NEK7: variants seen among roughly 807,000 people sequenced by gnomAD.
NEK7 encodes the protein serine/threonine-protein kinase Nek7.
NEK7 carries 18 observed loss-of-function variants against 44.6 expected under a neutral mutation model. That is an observed-to-expected ratio of 0.40 (90% CI 0.28 to 0.60). NEK7 has a LOEUF of 0.60. NEK7 is among the 20% of genes least tolerant of loss of function. The probability of loss-of-function intolerance (pLI) is 0.38; values close to 1 mark genes in which losing one functional copy is unlikely to be tolerated. For synonymous variants in NEK7, 130 were observed against 121.1 expected (o/e 1.07, Z -0.48); for missense variants, 256 against 366.5 (o/e 0.70, Z 2.46).
intron 7 of NEK7, among the ~76,000 whole-genome samples, chr1:198,280,778 A>G (rs1654170792): frequency 6.7e-6 from 1 of 148,646 alleles, no homozygotes; most frequent in East Asian, 1.9e-4. Context: ...TATATATATA[A>G]TGTGTGTATA....
chr1:198,306,688 G>T (rs755600385), intron 9 of NEK7, among the ~76,000 whole-genome samples: 10 of 152,210 alleles, frequency 6.6e-5, no homozygotes, highest in Non-Finnish European at 1.5e-4. Flanking sequence ...ACTATTCATG[G>T]ATCCATATGA....
At chr1:198,204,705 G>A (rs1483765097) in intron 1 of NEK7, among the ~76,000 whole-genome samples, 3 of 132,062 alleles carry the variant, frequency 2.3e-5, no homozygotes, top group Admixed American at 8.5e-5. Context: ...GGGCGACAGC[G>A]AGACTCCGTC....
chr1:198,272,131 CAGTAT>C (rs2102968802), intron 5 of NEK7, among the ~76,000 whole-genome samples: 1 of 151,486 alleles, frequency 6.6e-6, no homozygotes, highest in African/African-American at 2.4e-5. Flanking sequence ...GAAGTCGAAG[CAGTAT>C]AGAACTTAGA....
intron 1 of NEK7, among the ~76,000 whole-genome samples, chr1:198,176,243 A>G (rs1664599937): frequency 6.6e-6 from 1 of 152,224 alleles, no homozygotes; most frequent in South Asian, 2.1e-4. Context: ...TACATAGGTA[A>G]TGGGTAGGGC....
intron 2 of NEK7, among the ~76,000 whole-genome samples, chr1:198,252,684 T>G (rs199601241): frequency 1.6e-5 from 2 of 121,954 alleles, no homozygotes; most frequent in East Asian, 6.0e-4. Flanking sequence ...ATATGTATGT[T>G]TATGTATTAA....
At chr1:198,238,166 ACCT>A (rs1192519337) in intron 2 of NEK7, among the ~76,000 whole-genome samples, 1 of 151,498 alleles carries the variant, frequency 6.6e-6, no homozygotes, top group African/African-American at 2.4e-5. Flanking sequence ...ATTTTTCCCC[ACCT>A]CCTTGCTTCA....
intron 1 of NEK7, among the ~76,000 whole-genome samples, chr1:198,204,717 CAAAAAA>C (rs58273857): frequency 4.6e-5 from 4 of 87,888 alleles, no homozygotes; most frequent in Non-Finnish European, 5.0e-5. Context: ...GACTCCGTCT[CAAAAAA>C]AAAAAAAAAA....
At chr1:198,278,681 G>A (rs1486146691) in intron 6 of NEK7, among the ~76,000 whole-genome samples, 1 of 151,554 alleles carries the variant, frequency 6.6e-6, no homozygotes, top group Non-Finnish European at 1.5e-5. Context: ...GAATTTCACA[G>A]GTTTTTTGAA....
intron 1 of NEK7, among the ~76,000 whole-genome samples, chr1:198,204,679 A>C (rs1388493679): frequency 6.7e-6 from 1 of 149,680 alleles, no homozygotes; most frequent in Non-Finnish European, 1.5e-5. Flanking sequence ...GAGATCGCGC[A>C]ACTGCACTCC....
At chr1:198,260,060 TAGTA>T (rs1351150096) in intron 3 of NEK7, among the ~76,000 whole-genome samples, 1 of 152,212 alleles carries the variant, frequency 6.6e-6, no homozygotes, top group Non-Finnish European at 1.5e-5. Context: ...TAAAATCTGA[TAGTA>T]AGATGGCATT....
chr1:198,196,942 C>T (rs1665256012), intron 1 of NEK7, among the ~76,000 whole-genome samples: 1 of 152,154 alleles, frequency 6.6e-6, no homozygotes, highest in African/African-American at 2.4e-5. Context: ...CCTCACTTTT[C>T]TCTTGGGTAT....
At chr1:198,256,344 T>C in intron 3 of NEK7, 3 of 1,608,082 alleles carry the variant, frequency 1.9e-6, no homozygotes, top group South Asian at 1.1e-5. Context: ...CTGTTACCTG[T>C]ATGGGAAAGA....
At chr1:198,278,705 A>G (rs1654097684) in intron 6 of NEK7, among the ~76,000 whole-genome samples, 1 of 151,912 alleles carries the variant, frequency 6.6e-6, no homozygotes. Context: ...GGAAAACAAA[A>G]TGCATTTGAA....
chr1:198,206,520 A>G (rs1481476165), intron 1 of NEK7, among the ~76,000 whole-genome samples: 1 of 152,174 alleles, frequency 6.6e-6, no homozygotes, highest in Non-Finnish European at 1.5e-5. Flanking sequence ...ATTACTTTTT[A>G]GTGATGCTGC....
chr1:198,312,153 T>G (rs1655207454), intron 9 of NEK7, among the ~76,000 whole-genome samples: 1 of 152,200 alleles, frequency 6.6e-6, no homozygotes, highest in Non-Finnish European at 1.5e-5. Context: ...AACTTCTTCC[T>G]GGTTTAGTCT....
intron 4 of NEK7, among the ~76,000 whole-genome samples, chr1:198,262,866 A>C (rs1016977593): frequency 5.3e-5 from 8 of 151,838 alleles, no homozygotes; most frequent in African/African-American, 1.9e-4. Context: ...TTCTCATTTC[A>C]AAGTAGGAAA....
At chr1:198,170,140 C>T (rs1664394027) in intron 1 of NEK7, among the ~76,000 whole-genome samples, 1 of 152,168 alleles carries the variant, frequency 6.6e-6, no homozygotes, top group Non-Finnish European at 1.5e-5. Flanking sequence ...TGAATGGTCA[C>T]TGTCAGGATA....
At chr1:198,241,808 A>C (rs964848514) in intron 2 of NEK7, among the ~76,000 whole-genome samples, 4 of 152,174 alleles carry the variant, frequency 2.6e-5, no homozygotes, top group Admixed American at 1.3e-4. Context: ...GTTGATATGG[A>C]GCTTTCAGTA....
chr1:198,229,453 G>T (rs551713199), intron 1 of NEK7, among the ~76,000 whole-genome samples: 4 of 152,324 alleles, frequency 2.6e-5, no homozygotes, highest in Admixed American at 2.6e-4. Flanking sequence ...ACTTGACGTG[G>T]GTTGGTCAGA....
Sources: gnomAD v4.1 joint callset for allele counts (sites outside exome capture counted in the v4.1 genomes callset) on GRCh38, gnomAD v4.1.1 for gene constraint, MANE v1.5 for transcripts, NCBI Gene and HGNC (gene_info 2026-07-23, HGNC 2026-07-21) for gene names.